Variants in GPR78 observed in about 807,000 individuals in gnomAD.
GPR78 encodes the protein G protein-coupled receptor 78.
In GPR78, 29 loss-of-function variants were observed where a neutral mutation model predicts 17.9. The observed-to-expected ratio is 1.62, with a 90% confidence interval of 1.20 to 2.21. GPR78 has a LOEUF of 2.21. Among genes scored for constraint, GPR78 ranks in the 30% most tolerant of loss-of-function variants. The pLI, the probability that GPR78 is intolerant of heterozygous loss-of-function variation, is 0.00. For synonymous variants in GPR78, 349 were observed against 256.9 expected (o/e 1.36, Z -3.43); for missense variants, 649 against 530.5 (o/e 1.22, Z -2.19).
Position 8,587,176 on chromosome 4 carries a change from G to T in GPR78, c.905G>T (p.Arg302Leu), listed in dbSNP as rs368485565. ...TACTCTCTGCTCCGCCGGCCGTTCC[G>T]CCAAGTCCTGGCCGGCATGGTGCAC... ...FTYSLLRRPF[R>L]QVLAGMVHRL... The change falls in exon 3 of 3, where the codon CGC becomes CTC. Residue 302 changes from arginine to leucine, a missense_variant. Transcript: ENST00000382487. 5 of 1,613,178 alleles carry T rather than the reference G, an allele frequency of 3.1e-6. No individual in the cohort carries two copies. The highest frequency in any genetic ancestry group is 2.2e-5 in the East Asian group (1 of 44,872).
chr4:8,581,899 T>G (rs999381856), intron 1 of GPR78, among the ~76,000 whole-genome samples: 7 of 152,152 alleles, frequency 4.6e-5, no homozygotes, highest in African/African-American at 1.7e-4. Context: ...GGGGTGTGCT[T>G]CTCCGGGAGG....
At position 8,581,258 on chromosome 4, in the gene GPR78, C is replaced by A; in HGVS notation, c.276C>A (p.Asn92Lys). The A allele has an allele frequency of 6.3e-7, 1 of 1,592,264 alleles. No homozygotes were observed. The highest frequency in any genetic ancestry group is 8.5e-7 in the Non-Finnish European group (1 of 1,174,512). The change falls in exon 1 of 3, where the codon AAC becomes AAA. Residue 92 changes from asparagine to lysine, a missense_variant. Physicochemically the swap from Asn to Lys is moderately conservative, Grantham distance 94 (BLOSUM62 0). Coordinates refer to ENST00000382487, the MANE Select transcript of GPR78 (RefSeq NM_080819.5). ...TCCTGGACACCTTCCTGGCGTCCAACGCGGCGCTGAGCGTGGCGGCGCTGA... is the reference window on the plus strand; with the variant it reads ...TCCTGGACACCTTCCTGGCGTCCAAAGCGGCGCTGAGCGTGGCGGCGCTGA... ...IGFLDTFLAS[N>K]AALSVAALSA...
chr4:8,586,182 C>T (rs558127805), intron 2 of GPR78, among the ~76,000 whole-genome samples: 1 of 152,170 alleles, frequency 6.6e-6, no homozygotes, highest in African/African-American at 2.4e-5. Context: ...GACTCCATGG[C>T]CCCTACCCTA....
At chr4:8,581,745 C>G (rs1713300242) in intron 1 of GPR78, 95 bp downstream of exon 1, 1 of 944,150 alleles carries the variant, frequency 1.1e-6, no homozygotes, top group Non-Finnish European at 1.5e-6. Context: ...ACCACCGTTA[C>G]TCCGCCCAGA....
chr4:8,587,471 T>A lies in GPR78; in HGVS notation c.*108T>A. On this transcript the variant is annotated 3_prime_UTR_variant, in exon 3 of 3. Coordinates refer to ENST00000382487, the MANE Select transcript of GPR78 (RefSeq NM_080819.5). The stretch of plus-strand genomic sequence containing the variant: ...GACCCCCAGACACCAGTGGCTTGAC[T>A]TTGAGCTAAGGCTGAAGTACAGGAG... 2.7e-6 allele frequency: 3 copies of A among 1,100,662 alleles called. No homozygotes were observed. Among genetic ancestry groups the A allele is most frequent in the Non-Finnish European group, 3.9e-6 (3 of 763,418 alleles). 68.2% of individuals were successfully genotyped at this position (1,100,662 alleles called of 1,614,324 possible). A position where few individuals can be genotyped will look rare whatever the true frequency, so the allele number is the denominator to read the frequency against.
At position 8,581,182 on chromosome 4, in the gene GPR78, T is replaced by G. The variant is rs1163391217; in HGVS notation, c.200T>G (p.Val67Gly). 3 of 1,602,798 alleles carry G rather than the reference T, an allele frequency of 1.9e-6. No individual in the cohort carries two copies. The highest frequency in any genetic ancestry group is 2.5e-6 in the Non-Finnish European group (3 of 1,179,256). ...GACATGCCCTTCACGCTGCTCGGTG[T>G]GATGCGCGGGCGGACACCGTCGGCG... ...ALDMPFTLLG[V>G]MRGRTPSAPG... The change falls in exon 1 of 3, where the codon GTG becomes GGG. Residue 67 changes from valine (V) to glycine (G), a missense_variant. Val to Gly is a moderately radical substitution (Grantham distance 109, BLOSUM62 -3). Coordinates refer to ENST00000382487, the MANE Select transcript of GPR78 (RefSeq NM_080819.5).
Position 8,587,082 on chromosome 4 carries a change from G to C in GPR78, c.811G>C (p.Val271Leu), listed in dbSNP as rs201411082. The C allele has an allele frequency of 6.2e-7, 1 of 1,612,614 alleles. No individual in the cohort carries two copies. Among genetic ancestry groups the C allele is most frequent in the African/African-American group, 1.3e-5 (1 of 75,068 alleles). Residue 271 changes from valine (V) to leucine (L), a missense_variant, in exon 3 of 3, where the codon GTG becomes CTG. Coordinates refer to ENST00000382487, the MANE Select transcript of GPR78 (RefSeq NM_080819.5). ...GGCGGAGCTCGTGCCCTTCGTCACC[G>C]TGAACGCCCAGTGGGGCATCCTCAG... ...RLAELVPFVT[V>L]NAQWGILSKC... is the part of the protein sequence containing the mutation.
At position 8,589,099 on chromosome 4, in the gene GPR78, G is replaced by A. The variant is rs994515760; in HGVS notation, c.*1736G>A. 6.6e-6 allele frequency among the ~76,000 whole-genome samples: 1 copy of A among 151,572 alleles called. No homozygotes were observed. Among genetic ancestry groups the A allele is most frequent in the African/African-American group, 2.4e-5 (1 of 41,218 alleles). On this transcript the variant is annotated 3_prime_UTR_variant, in exon 3 of 3. Transcript: ENST00000382487. ...TTGCCCAGGCTGGTCTTGAATTCCT[G>A]AGCTTAAGTGATCCTCCCACCTCAG...
At position 8,580,852 on chromosome 4, in the gene GPR78, T is replaced by C; in HGVS notation, c.-131T>C. On this transcript the variant is annotated 5_prime_UTR_variant, in exon 1 of 3. Coordinates refer to ENST00000382487, the MANE Select transcript of GPR78 (RefSeq NM_080819.5). The stretch of plus-strand genomic sequence containing the variant: ...CGCTTTCCTCGCGCTGCTCTGGACC[T>C]TGCTAGCCGGCTCTGCACCTCCCAG... 1.1e-6 allele frequency: 1 copy of C among 901,338 alleles called. No homozygotes were observed. The highest frequency in any genetic ancestry group is 1.6e-6 in the Non-Finnish European group (1 of 613,942). 55.8% of individuals were successfully genotyped at this position (901,338 alleles called of 1,614,324 possible).
chr4:8,587,473 T>A lies in GPR78; in HGVS notation c.*110T>A. 1 of 1,078,020 alleles carries A rather than the reference T, an allele frequency of 9.3e-7. No homozygotes were observed. Among genetic ancestry groups the A allele is most frequent in the Non-Finnish European group, 1.3e-6 (1 of 743,780 alleles). The allele number at this position is 1,078,020 out of a possible 1,614,324, so 66.8% of individuals were successfully genotyped here. The stretch of plus-strand genomic sequence containing the variant: ...CCCCCAGACACCAGTGGCTTGACTT[T>A]GAGCTAAGGCTGAAGTACAGGAGGA... On this transcript the variant is annotated 3_prime_UTR_variant, in exon 3 of 3. Transcript: ENST00000382487.
Position 8,581,469 on chromosome 4 carries a change from G to T in GPR78, c.487G>T (p.Glu163Ter). Residue 163 changes from glutamate (E) to a stop codon, truncating the protein, a stop_gained, in exon 1 of 3, where the codon GAG becomes TAG. Coordinates refer to ENST00000382487, the MANE Select transcript of GPR78 (RefSeq NM_080819.5). LOFTEE classifies it high-confidence loss of function. The stretch of plus-strand genomic sequence containing the variant: ...GTCCTGTTCGCTGCGCCTGCCGCCC[G>T]AGCCTGAGCGTCCGCGCTTCGCAGC... ...FASCSLRLPPEPERPRFAAFT... is the reference protein window; with the variant it reads ...FASCSLRLPP The T allele has an allele frequency of 6.3e-7, 1 of 1,591,894 alleles. No homozygotes were observed. The highest frequency in any genetic ancestry group is 8.5e-7 in the Non-Finnish European group (1 of 1,176,854).
Position 8,587,252 on chromosome 4 carries a change from G to C in GPR78, c.981G>C (p.Leu327=). 1 of 1,606,250 alleles carries C rather than the reference G, an allele frequency of 6.2e-7. No homozygotes were observed. Among genetic ancestry groups the C allele is most frequent in the Non-Finnish European group, 8.5e-7 (1 of 1,174,600 alleles). ...CAGCATCCACCCATGACAGCTCTCTGGATGTGGCCGGCATGGTGCACCAGC... is the reference window on the plus strand; with the variant it reads ...CAGCATCCACCCATGACAGCTCTCTCGATGTGGCCGGCATGGTGCACCAGC... ...PRPASTHDSS[L]DVAGMVHQLL... The change falls in exon 3 of 3, where the codon CTG becomes CTC. Residue 327 remains leucine (L), a synonymous_variant. Coordinates refer to ENST00000382487, the MANE Select transcript of GPR78 (RefSeq NM_080819.5).
In GPR78 at chr4:8,589,476, C is replaced by T. The variant is rs886212186; in HGVS notation, c.*2113C>T. The stretch of plus-strand genomic sequence containing the variant: ...GTGAACTCGAGACCGTGCTGCACCC[C>T]GGTGCCCCTGTGCTTATAAGGGAGG... On this transcript the variant is annotated 3_prime_UTR_variant, in exon 3 of 3. Coordinates refer to ENST00000382487, the MANE Select transcript of GPR78 (RefSeq NM_080819.5). Among the ~76,000 whole-genome samples the T allele has an allele frequency of 2.0e-5, 3 of 152,068 alleles. No individual in the cohort carries two copies. Among genetic ancestry groups the T allele is most frequent in the Non-Finnish European group, 2.9e-5 (2 of 68,008 alleles).
At chr4:8,582,011 C>T (rs1412572082) in intron 1 of GPR78, among the ~76,000 whole-genome samples, 7 of 152,126 alleles carry the variant, frequency 4.6e-5, no homozygotes, top group African/African-American at 1.7e-4. Context: ...ACCCAGTGCC[C>T]TTGCATGGAC....
At position 8,581,163 on chromosome 4, in the gene GPR78, C is replaced by T. The variant is rs1222332191; in HGVS notation, c.181C>T (p.Pro61Ser). 6.2e-6 allele frequency: 10 copies of T among 1,603,910 alleles called. No individual in the cohort carries two copies. Among genetic ancestry groups the T allele is most frequent in the South Asian group, 2.2e-5 (2 of 90,942 alleles). Residue 61 changes from proline to serine, a missense_variant, in exon 1 of 3, where the codon CCC (proline) becomes TCC (serine). Transcript: ENST00000382487. Reference sequence around the variant, plus strand: ...CCTGCTGCTGGCGGCGCTGGACATGCCCTTCACGCTGCTCGGTGTGATGCG... The same window carrying T: ...CCTGCTGCTGGCGGCGCTGGACATGTCCTTCACGCTGCTCGGTGTGATGCG... ...GHLLLAALDM[P>S]FTLLGVMRGR... is the part of the protein sequence containing the mutation.
chr4:8,580,910 G>A lies in GPR78; in HGVS notation c.-73G>A, dbSNP rs556121154. ...GGGCGCGCCGCTCAGCTGCTCCATCGCCTCACTTTCCCAGGCTCGCGCCCG... is the reference window on the plus strand; with the variant it reads ...GGGCGCGCCGCTCAGCTGCTCCATCACCTCACTTTCCCAGGCTCGCGCCCG... On this transcript the variant is annotated 5_prime_UTR_variant, in exon 1 of 3. Coordinates refer to ENST00000382487, the MANE Select transcript of GPR78 (RefSeq NM_080819.5). 5.9e-6 allele frequency: 8 copies of A among 1,352,062 alleles called. No homozygotes were observed. The African/African-American group carries it at 1.0e-4, about 17-fold the overall frequency. 83.8% of individuals were successfully genotyped at this position (1,352,062 alleles called of 1,614,324 possible).
At chr4:8,585,577 G>A (rs1021996397) in intron 2 of GPR78, among the ~76,000 whole-genome samples, 16 of 152,272 alleles carry the variant, frequency 1.1e-4, no homozygotes, top group African/African-American at 3.6e-4. Flanking sequence ...GTGCTGGCCG[G>A]TGGCAAAGCC....
chr4:8,587,469 A>T lies in GPR78; in HGVS notation c.*106A>T. ...GGGACCCCCAGACACCAGTGGCTTG[A>T]CTTTGAGCTAAGGCTGAAGTACAGG... On this transcript the variant is annotated 3_prime_UTR_variant, in exon 3 of 3. Coordinates refer to ENST00000382487, the MANE Select transcript of GPR78 (RefSeq NM_080819.5). 2.7e-6 allele frequency: 3 copies of T among 1,116,750 alleles called. No individual in the cohort carries two copies. Among genetic ancestry groups the T allele is most frequent in the Non-Finnish European group, 3.9e-6 (3 of 777,612 alleles). 69.2% of individuals were successfully genotyped at this position (1,116,750 alleles called of 1,614,324 possible). A position where few individuals can be genotyped will look rare whatever the true frequency, so the allele number is the denominator to read the frequency against.
At position 8,581,259 on chromosome 4, in the gene GPR78, G is replaced by T. The variant is rs201546209; in HGVS notation, c.277G>T (p.Ala93Ser). 199 of 1,591,026 alleles carry T rather than the reference G, an allele frequency of 1.3e-4. No homozygotes were observed. Among genetic ancestry groups the T allele is most frequent in the Non-Finnish European group, 1.6e-4 (184 of 1,174,006 alleles). The part of the protein sequence containing the change: ...GFLDTFLASN[A>S]ALSVAALSAD... ...CCTGGACACCTTCCTGGCGTCCAACGCGGCGCTGAGCGTGGCGGCGCTGAG... is the reference window on the plus strand; with the variant it reads ...CCTGGACACCTTCCTGGCGTCCAACTCGGCGCTGAGCGTGGCGGCGCTGAG... Residue 93 changes from alanine to serine, a missense_variant, in exon 1 of 3, where the codon GCG (alanine) becomes TCG (serine). Coordinates refer to ENST00000382487, the MANE Select transcript of GPR78 (RefSeq NM_080819.5).
Sources: gnomAD v4.1 joint callset for allele counts (sites outside exome capture counted in the v4.1 genomes callset) on GRCh38, gnomAD v4.1.1 for gene constraint, MANE v1.5 for transcripts, NCBI Gene and HGNC (gene_info 2026-07-23, HGNC 2026-07-21) for gene names.